The following GABRG1 variants were observed in gnomAD, a reference collection of about 807,000 sequenced individuals.
The protein encoded by GABRG1 is gamma-aminobutyric acid type A receptor subunit gamma1.
A neutral mutation model predicts 49.8 loss-of-function variants in GABRG1; 49 were observed. The ratio of observed to expected loss-of-function variants is 0.98; its 90% CI spans 0.78 to 1.25. The LOEUF (loss-of-function observed/expected upper bound fraction) is 1.25, where lower values mean the gene tolerates loss of function less well. Ranked by LOEUF, GABRG1 falls within the 50% of genes most tolerant of loss-of-function variation. The probability of loss-of-function intolerance (pLI) is 0.00; values close to 1 mark genes in which losing one functional copy is unlikely to be tolerated. For synonymous variants in GABRG1, 232 were observed against 185.1 expected (o/e 1.25, Z -2.06); for missense variants, 552 against 552.3 (o/e 1.00, Z 0.01).
At position 46,040,157 on chromosome 4, in the gene GABRG1, CTGCATTT is replaced by C. The variant is rs1717712025; in HGVS notation, c.*824_*830del. ...TAAAGAAAAAAATAATCATTTCTCT[CTGCATTT>C]AATTTGCATTAATGTGCATTTGCAG... is the stretch of plus-strand genomic sequence containing the variant. On this transcript the variant is annotated 3_prime_UTR_variant, in exon 9 of 9. Coordinates refer to ENST00000295452, the MANE Select transcript of GABRG1 (RefSeq NM_173536.4). 1 of 151,906 alleles carries C rather than the reference CTGCATTT, an allele frequency of 6.6e-6. No individual in the cohort carries two copies. The highest frequency in any genetic ancestry group is 6.6e-5 in the Admixed American group (1 of 15,194). The allele number at this position is 151,906 out of a possible 1,614,324, so 9.4% of individuals were successfully genotyped here.
At chr4:46,107,026 C>T (rs951946626) in intron 1 of GABRG1, among the ~76,000 whole-genome samples, 8 of 151,274 alleles carry the variant, frequency 5.3e-5, no homozygotes, top group African/African-American at 1.9e-4. Context: ...ATGGTGTATT[C>T]ATCCCCTGAA....
chr4:46,101,025 CAT>C (rs1211243859), intron 1 of GABRG1, among the ~76,000 whole-genome samples: 8 of 151,506 alleles, frequency 5.3e-5, no homozygotes, highest in Non-Finnish European at 1.0e-4. Flanking sequence ...ATTTTAAAAA[CAT>C]AGCACTTATA....
rs1343954347 is a variant in GABRG1 at position 46,112,116 on chromosome 4, T to G, written c.104+11694A>C. 6.6e-5 allele frequency among the ~76,000 whole-genome samples: 10 copies of G among 151,220 alleles called. No homozygotes were observed. The Admixed American group carries it at 6.6e-4, about 10-fold the overall frequency. On this transcript the variant is annotated intron_variant, in intron 1 of 8. Coordinates refer to ENST00000295452, the MANE Select transcript of GABRG1 (RefSeq NM_173536.4). ...TCTGACAAAGATCTAATATCTAGAA[T>G]CCACAGGGAACTTAAACAATTGAAA...
chr4:46,062,131 G>GT (rs1399931948), intron 5 of GABRG1, among the ~76,000 whole-genome samples: 2 of 149,340 alleles, frequency 1.3e-5, no homozygotes, highest in Non-Finnish European at 3.0e-5. Context: ...GCGGTGTTTG[G>GT]TTTTTTGTCC....
chr4:46,090,660 A>AT (rs988052225), intron 2 of GABRG1, among the ~76,000 whole-genome samples: 76 of 152,004 alleles, frequency 5.0e-4, no homozygotes, highest in Non-Finnish European at 8.8e-4. Flanking sequence ...AAAACTATAA[A>AT]TTTTTTTTAA....
At chr4:46,062,643 T>C (rs369777982) in intron 5 of GABRG1, among the ~76,000 whole-genome samples, 5 of 152,330 alleles carry the variant, frequency 3.3e-5, no homozygotes, top group East Asian at 1.9e-4. Flanking sequence ...TGAGCATTTT[T>C]TCATGTGTCT....
chr4:46,058,443 T>C, intron 6 of GABRG1, 42 bp downstream of exon 6: 1 of 1,601,324 alleles, frequency 6.2e-7, no homozygotes, highest in East Asian at 2.2e-5. Flanking sequence ...AAAAATGTCA[T>C]TTAATGCTAG....
chr4:46,061,671 GT>G (rs534643290), intron 5 of GABRG1, among the ~76,000 whole-genome samples: 1,886 of 150,352 alleles, frequency 0.013, 38 homozygotes, highest in African/African-American at 0.044. Context: ...AATATACCAG[GT>G]TTTTTTTTAG....
At chr4:46,063,411 A>G (rs984516350) in intron 5 of GABRG1, among the ~76,000 whole-genome samples, 4 of 152,178 alleles carry the variant, frequency 2.6e-5, no homozygotes, top group African/African-American at 9.7e-5. Flanking sequence ...AAAAACAAGC[A>G]ATGGGGAAAA....
At chr4:46,044,358 G>A (rs1260085708) in intron 8 of GABRG1, among the ~76,000 whole-genome samples, 1 of 152,062 alleles carries the variant, frequency 6.6e-6, no homozygotes, top group Admixed American at 6.6e-5. Context: ...GCATGTGTTT[G>A]CAATCCCAGC....
chr4:46,105,811 A>AGAT (rs796234818), intron 1 of GABRG1, among the ~76,000 whole-genome samples: 5 of 150,506 alleles, frequency 3.3e-5, no homozygotes, highest in African/African-American at 9.8e-5. Flanking sequence ...ATAGATAGAT[A>AGAT]GATAGATAGA....
intron 1 of GABRG1, among the ~76,000 whole-genome samples, chr4:46,122,533 TA>T (rs1049123066): frequency 7.3e-5 from 11 of 150,550 alleles, no homozygotes; most frequent in East Asian, 2.0e-4. Flanking sequence ...GGAACAGGGT[TA>T]AAAAAAAAGA....
At chr4:46,100,132 T>C in intron 1 of GABRG1, among the ~76,000 whole-genome samples, 1 of 151,830 alleles carries the variant, frequency 6.6e-6, no homozygotes, top group Non-Finnish European at 1.5e-5. Flanking sequence ...TTATCTTGTG[T>C]ACAGTATAGA....
chr4:46,083,338 A>G (rs1560363740), intron 3 of GABRG1, among the ~76,000 whole-genome samples: 1 of 151,700 alleles, frequency 6.6e-6, no homozygotes, highest in Non-Finnish European at 1.5e-5. Flanking sequence ...TCTTACCTCC[A>G]TCTTCTATAC....
rs182332707 is a variant in GABRG1, at chr4:46,109,632, C to A, written c.105-12283G>T. 1.4e-4 allele frequency among the ~76,000 whole-genome samples: 21 copies of A among 150,986 alleles called. No individual in the cohort carries two copies. In the East Asian group the frequency reaches 2.7e-3, roughly 20 times the overall value. ...ATAATTAAATTGAGATTATTTTAACCTTTTCAGGCCCACAGTTAGCATATA... is the reference window on the plus strand; with the variant it reads ...ATAATTAAATTGAGATTATTTTAACATTTTCAGGCCCACAGTTAGCATATA... On this transcript the variant is annotated intron_variant, in intron 1 of 8. Coordinates refer to ENST00000295452, the MANE Select transcript of GABRG1 (RefSeq NM_173536.4).
intron 7 of GABRG1, among the ~76,000 whole-genome samples, chr4:46,053,948 A>G (rs1368612943): frequency 6.6e-6 from 1 of 152,072 alleles, no homozygotes; most frequent in African/African-American, 2.4e-5. Context: ...TATATTCTCC[A>G]TGGCTTCCCC....
At chr4:46,043,071 C>G (rs566037913) in intron 8 of GABRG1, among the ~76,000 whole-genome samples, 1 of 151,766 alleles carries the variant, frequency 6.6e-6, no homozygotes, top group Admixed American at 6.6e-5. Context: ...ATAGCATATG[C>G]TCTTATGCTA....
At chr4:46,101,497 C>T (rs574046076) in intron 1 of GABRG1, among the ~76,000 whole-genome samples, 29 of 151,524 alleles carry the variant, frequency 1.9e-4, no homozygotes, top group South Asian at 4.2e-4. Flanking sequence ...CACTATATGA[C>T]AAAAAAAGCA....
At chr4:46,091,666 G>T (rs1719994772) in intron 2 of GABRG1, among the ~76,000 whole-genome samples, 1 of 151,992 alleles carries the variant, frequency 6.6e-6, no homozygotes, top group African/African-American at 2.4e-5. Flanking sequence ...CAAATAGGGA[G>T]AAAATTATAG....
Sources: allele counts gnomAD v4.1 joint callset (sites outside exome capture counted in the v4.1 genomes callset), GRCh38; gene constraint gnomAD v4.1.1; transcripts MANE v1.5; gene names NCBI Gene and HGNC (gene_info 2026-07-23, HGNC 2026-07-21).